Variants in STAMBP observed in about 807,000 individuals in gnomAD.
STAMBP encodes STAM-binding protein.
A neutral mutation model predicts 50.7 loss-of-function variants in STAMBP; 31 were observed. That is an observed-to-expected ratio of 0.61 (90% CI 0.46 to 0.83). The LOEUF is 0.83. Among genes scored for constraint, STAMBP ranks in the 40% least tolerant of loss-of-function variants. The pLI, the probability that STAMBP is intolerant of heterozygous loss-of-function variation, is 0.00. For missense variants in STAMBP, 472 were observed against 518.9 expected, an observed-to-expected ratio of 0.91 and a Z score of 0.88; for synonymous variants, 211 against 192.4, an observed-to-expected ratio of 1.10 and a Z score of -0.80.
At chr2:73,835,096 G>A (rs1300698388) in intron 2 of STAMBP, among the ~76,000 whole-genome samples, 2 of 152,098 alleles carry the variant, frequency 1.3e-5, no homozygotes, top group African/African-American at 2.4e-5. Flanking sequence ...GGTCTCGGCC[G>A]GGCACAGTGG....
chr2:73,870,956 A>T (rs963448597), downstream of STAMBP, among the ~76,000 whole-genome samples: 1 of 152,090 alleles, frequency 6.6e-6, no homozygotes, highest in East Asian at 1.9e-4. Context: ...TTTAGTAGAG[A>T]CGGGAGTCTC....
At chr2:73,832,301 A>G (rs1373532254) in intron 2 of STAMBP, among the ~76,000 whole-genome samples, 1 of 151,588 alleles carries the variant, frequency 6.6e-6, no homozygotes, top group Non-Finnish European at 1.5e-5. Context: ...CTAAAAATAC[A>G]AAAATTAGTC....
At chr2:73,840,588 A>G (rs1172558967) in intron 2 of STAMBP, among the ~76,000 whole-genome samples, 1 of 151,872 alleles carries the variant, frequency 6.6e-6, no homozygotes, top group Non-Finnish European at 1.5e-5. Context: ...TACTAAAAAT[A>G]CGCAAATTAG....
At chr2:73,869,264 T>A (rs1005834727), downstream of STAMBP, among the ~76,000 whole-genome samples, 4 of 152,090 alleles carry the variant, frequency 2.6e-5, no homozygotes, top group Non-Finnish European at 5.9e-5. Flanking sequence ...GGAAAAAAAA[T>A]CTAATTCAGC....
chr2:73,852,318 G>A (rs1318952521), intron 7 of STAMBP, among the ~76,000 whole-genome samples: 1 of 152,162 alleles, frequency 6.6e-6, no homozygotes, highest in African/African-American at 2.4e-5. Context: ...ATAAGCAAAA[G>A]TAGGGGATCC....
At chr2:73,845,843 G>A (rs1675990091) in intron 4 of STAMBP, among the ~76,000 whole-genome samples, 1 of 152,190 alleles carries the variant, frequency 6.6e-6, no homozygotes, top group Admixed American at 6.5e-5. Context: ...TGTTGGCCAA[G>A]ATGGTCTCAA....
intron 7 of STAMBP, chr2:73,855,651 AC>A (rs1395223949): frequency 2.2e-6 from 1 of 455,972 alleles, no homozygotes; most frequent in African/African-American, 2.0e-5. Context: ...TGAAGTCCTT[AC>A]ATGCCCCATG....
intron 2 of STAMBP, among the ~76,000 whole-genome samples, chr2:73,843,505 G>T (rs1675697938): frequency 6.6e-6 from 1 of 151,314 alleles, no homozygotes; most frequent in Non-Finnish European, 1.5e-5. Flanking sequence ...CTGGGCTCAA[G>T]CAGTCTTCCT....
At chr2:73,841,847 C>T (rs1675429300) in intron 2 of STAMBP, among the ~76,000 whole-genome samples, 1 of 152,176 alleles carries the variant, frequency 6.6e-6, no homozygotes, top group African/African-American at 2.4e-5. Flanking sequence ...GGGTATGTTG[C>T]CCATTGTCTG....
chr2:73,847,329 CCTGAAGTGTGAAGTCA>C, intron 4 of STAMBP, 42 bp from the exon 5 acceptor site: 4 of 1,530,146 alleles, frequency 2.6e-6, no homozygotes, highest in Non-Finnish European at 3.5e-6. Flanking sequence ...GCCTTGTTCT[CCTGAAGTGTGAAGTCA>C]CTGAGGTGTG....
intron 4 of STAMBP, among the ~76,000 whole-genome samples, chr2:73,845,634 T>TA (rs1675963627): frequency 1.0e-5 from 1 of 97,068 alleles, no homozygotes; most frequent in African/African-American, 7.5e-5. Context: ...TTTCAAGCTA[T>TA]TTTTTTTTTT....
intron 2 of STAMBP, among the ~76,000 whole-genome samples, chr2:73,841,023 C>A (rs1044501437): frequency 2.6e-5 from 4 of 152,102 alleles, no homozygotes; most frequent in Admixed American, 6.5e-5. Context: ...ATTTGAATTT[C>A]TTTAATTATG....
intron 2 of STAMBP, among the ~76,000 whole-genome samples, chr2:73,838,987 A>G (rs1342319904): frequency 6.6e-6 from 1 of 152,200 alleles, no homozygotes; most frequent in Non-Finnish European, 1.5e-5. Flanking sequence ...TACTTAGTAC[A>G]TTCCTATCAA....
At chr2:73,841,257 A>G (rs535796491) in intron 2 of STAMBP, among the ~76,000 whole-genome samples, 1 of 152,292 alleles carries the variant, frequency 6.6e-6, no homozygotes, top group Non-Finnish European at 1.5e-5. Flanking sequence ...TAGGGATAGA[A>G]CTTTGAACCA....
rs1678713341 is a variant in STAMBP, at chr2:73,864,759, A to C, written c.*2500A>C. The C allele has an allele frequency of 6.6e-6, 1 of 152,232 alleles. No homozygotes were observed. The highest frequency in any genetic ancestry group is 2.4e-5 in the African/African-American group (1 of 41,436). The allele number at this position is 152,232 out of a possible 1,614,324, so 9.4% of individuals were successfully genotyped here. A position where few individuals can be genotyped will look rare whatever the true frequency, so the allele number is the denominator to read the frequency against. Reference sequence around the variant, plus strand: ...TTAGTGTTCTGGGCTGAGAGGGGAGACAAAAGCATCGTCAGGTTGCCAAAC... The same window carrying C: ...TTAGTGTTCTGGGCTGAGAGGGGAGCCAAAAGCATCGTCAGGTTGCCAAAC... On this transcript the variant is annotated 3_prime_UTR_variant, in exon 10 of 10. Coordinates refer to ENST00000394070, the MANE Select transcript of STAMBP (RefSeq NM_213622.4).
intron 2 of STAMBP, among the ~76,000 whole-genome samples, chr2:73,842,151 G>A (rs1472702905): frequency 6.6e-6 from 1 of 152,118 alleles, no homozygotes; most frequent in African/African-American, 2.4e-5. Context: ...AATAAATACG[G>A]CAGGCTAAAT....
chr2:73,834,239 ATATATATATATATATATATATATATAT>A lies in STAMBP; in HGVS notation c.203+3181_203+3207del, dbSNP rs1674424297. 5.1e-4 allele frequency among the ~76,000 whole-genome samples: 8 copies of A among 15,578 alleles called. 1 individual carries two copies. The highest frequency in any genetic ancestry group is 8.4e-3 in the South Asian group (2 of 238). 10.2% of individuals were successfully genotyped at this position (15,578 alleles called of 152,430 possible). A position where few individuals can be genotyped will look rare whatever the true frequency, so the allele number is the denominator to read the frequency against. Reference sequence around the variant, plus strand: ...AAAAAAAAAAAAAAAAAAAAAAAATATATATATATATATATATATATATATATATATATATATATATATATATAAAGT... The same window carrying A: ...AAAAAAAAAAAAAAAAAAAAAAAATAATATATATATATATATATATAAAGT... On this transcript the variant is annotated intron_variant, in intron 2 of 9. Coordinates refer to ENST00000394070, the MANE Select transcript of STAMBP (RefSeq NM_213622.4).
At chr2:73,830,734 G>A in intron 1 of STAMBP, 111 bp from the exon 2 acceptor site, 1 of 815,738 alleles carries the variant, frequency 1.2e-6, no homozygotes, top group South Asian at 1.8e-5. Context: ...ACAGCATTTG[G>A]TATGTTTCTC....
At position 73,863,899 on chromosome 2, in the gene STAMBP, G is replaced by A. The variant is rs1237452303; in HGVS notation, c.*1640G>A. ...TCTGTTCTGCACACTTTGATCAGGA[G>A]AAGCTTCTCACATTCCAGCCATGTT... On this transcript the variant is annotated 3_prime_UTR_variant, in exon 10 of 10. Coordinates refer to ENST00000394070, the MANE Select transcript of STAMBP (RefSeq NM_213622.4). 1 of 152,178 alleles carries A rather than the reference G, an allele frequency of 6.6e-6. No homozygotes were observed. Among genetic ancestry groups the A allele is most frequent in the East Asian group, 1.9e-4 (1 of 5,194 alleles). The allele number at this position is 152,178 out of a possible 1,614,324, so 9.4% of individuals were successfully genotyped here.
Sources: gnomAD v4.1 joint callset for allele counts (sites outside exome capture counted in the v4.1 genomes callset) on GRCh38, gnomAD v4.1.1 for gene constraint, MANE v1.5 for transcripts, NCBI Gene and HGNC (gene_info 2026-07-23, HGNC 2026-07-21) for gene names.